Variants in CBLB observed in about 807,000 individuals in gnomAD.
The protein encoded by CBLB is E3 ubiquitin-protein ligase CBL-B.
In CBLB, 31 loss-of-function variants were observed where a neutral mutation model predicts 104.9. The ratio of observed to expected loss-of-function variants is 0.30; its 90% confidence interval spans 0.22 to 0.40. The LOEUF (loss-of-function observed/expected upper bound fraction) is 0.40, where lower values mean the gene tolerates loss of function less well. CBLB is among the 10% of genes least tolerant of loss of function. CBLB has a pLI of 1.00. For missense variants in CBLB, 1,062 were observed against 1,214.6 expected (o/e 0.87, Z 1.87); for synonymous variants, 440 against 422.6 (o/e 1.04, Z -0.51).
chr3:105,700,330 T>A (rs1331729694), intron 12 of CBLB, among the ~76,000 whole-genome samples: 1 of 152,052 alleles, frequency 6.6e-6, no homozygotes, highest in Non-Finnish European at 1.5e-5. Flanking sequence ...CTATAACAAC[T>A]ATTATATTTC....
intron 9 of CBLB, among the ~76,000 whole-genome samples, chr3:105,730,673 G>A (rs1048978403): frequency 1.3e-5 from 2 of 152,086 alleles, no homozygotes; most frequent in East Asian, 1.9e-4. Flanking sequence ...GCTTATTAAT[G>A]ATGAGCTGCT....
chr3:105,792,574 T>A (rs1202479546), intron 3 of CBLB, among the ~76,000 whole-genome samples: 1 of 152,154 alleles, frequency 6.6e-6, no homozygotes, highest in Non-Finnish European at 1.5e-5. Context: ...GACTGATAAT[T>A]CCCTCATCAC....
intron 9 of CBLB, among the ~76,000 whole-genome samples, chr3:105,726,923 G>A (rs1576647038): frequency 6.6e-6 from 1 of 152,284 alleles, no homozygotes; most frequent in Non-Finnish European, 1.5e-5. Flanking sequence ...TGGTGTATAT[G>A]TGCCACATTT....
chr3:105,713,761 G>A (rs1468915311), intron 10 of CBLB, among the ~76,000 whole-genome samples: 1 of 152,100 alleles, frequency 6.6e-6, no homozygotes, highest in African/African-American at 2.4e-5. Flanking sequence ...CTGTGCCTTC[G>A]GATTGCTTAC....
At chr3:105,717,735 A>T (rs1559938955) in intron 10 of CBLB, among the ~76,000 whole-genome samples, 1 of 152,154 alleles carries the variant, frequency 6.6e-6, no homozygotes, top group South Asian at 2.1e-4. Context: ...CAGTACATCA[A>T]TATCACCAGC....
At chr3:105,772,454 T>C (rs1373982417) in intron 4 of CBLB, among the ~76,000 whole-genome samples, 8 of 152,094 alleles carry the variant, frequency 5.3e-5, no homozygotes, top group Non-Finnish European at 1.0e-4. Flanking sequence ...TTCTAGACAT[T>C]AGCTTAGGCA....
At chr3:105,707,430 T>C (rs1365914130) in intron 10 of CBLB, among the ~76,000 whole-genome samples, 1 of 151,796 alleles carries the variant, frequency 6.6e-6, no homozygotes, top group East Asian at 1.9e-4. Context: ...CAAACCTCAT[T>C]TTCCTGAGTT....
intron 9 of CBLB, among the ~76,000 whole-genome samples, chr3:105,733,056 T>C (rs1247216046): frequency 1.3e-5 from 2 of 152,132 alleles, no homozygotes; most frequent in Admixed American, 6.5e-5. Context: ...CCCCAATCTT[T>C]GTTACAGATG....
chr3:105,849,193 C>T (rs2090646721), intron 3 of CBLB, among the ~76,000 whole-genome samples: 1 of 152,122 alleles, frequency 6.6e-6, no homozygotes, highest in South Asian at 2.1e-4. Context: ...GAAAAAGAAA[C>T]ACAGTTCGAA....
chr3:105,668,951 GA>G (rs1259371070), intron 18 of CBLB, among the ~76,000 whole-genome samples: 1 of 152,136 alleles, frequency 6.6e-6, no homozygotes, highest in Non-Finnish European at 1.5e-5. Flanking sequence ...GTTCATATAG[GA>G]AAACTTCTGA....
chr3:105,848,231 A>G (rs990757696), intron 3 of CBLB, among the ~76,000 whole-genome samples: 1 of 152,098 alleles, frequency 6.6e-6, no homozygotes, highest in African/African-American at 2.4e-5. Context: ...GATATAAAAG[A>G]TGAAGGTTTA....
chr3:105,694,990 A>C (rs2068150182), intron 12 of CBLB, among the ~76,000 whole-genome samples: 2 of 151,860 alleles, frequency 1.3e-5, no homozygotes, highest in Non-Finnish European at 3.0e-5. Context: ...CTTTTAACAG[A>C]CAAACACACA....
chr3:105,736,867 T>C (rs1195990690), intron 8 of CBLB, among the ~76,000 whole-genome samples: 1 of 152,116 alleles, frequency 6.6e-6, no homozygotes, highest in Non-Finnish European at 1.5e-5. Flanking sequence ...ATTATTCTAA[T>C]CTTTTTTTGG....
In CBLB at chr3:105,763,471, C is replaced by T. The variant is rs369596664; in HGVS notation, c.567-11853G>A. 9.2e-5 allele frequency among the ~76,000 whole-genome samples: 14 copies of T among 152,278 alleles called. No homozygotes were observed. In the South Asian group the frequency reaches 2.9e-3, roughly 32 times the overall value. On this transcript the variant is annotated intron_variant, in intron 4 of 18. Transcript: ENST00000394030. Reference sequence around the variant, plus strand: ...GGTATTTGAATCATGGGAGTGGTTTCCCACAAACTATTCTTGTGGTAGTGA... The same window carrying T: ...GGTATTTGAATCATGGGAGTGGTTTTCCACAAACTATTCTTGTGGTAGTGA...
At chr3:105,768,647 C>T (rs1008853934) in intron 4 of CBLB, among the ~76,000 whole-genome samples, 5 of 152,186 alleles carry the variant, frequency 3.3e-5, no homozygotes, top group Non-Finnish European at 7.3e-5. Context: ...TCTGTTTTCA[C>T]CAACTTTTGC....
chr3:105,745,187 C>T (rs1055452396), intron 6 of CBLB, among the ~76,000 whole-genome samples: 3 of 152,122 alleles, frequency 2.0e-5, no homozygotes, highest in Non-Finnish European at 4.4e-5. Context: ...TGCCATAGCA[C>T]AAATGCCTAC....
At chr3:105,835,924 G>A (rs1383568650) in intron 3 of CBLB, among the ~76,000 whole-genome samples, 1 of 152,170 alleles carries the variant, frequency 6.6e-6, no homozygotes, top group Admixed American at 6.5e-5. Context: ...CTTGATGCTG[G>A]AATGATGCCA....
rs397874009 is a variant in CBLB, at chr3:105,770,082, GT to G, written c.566+6313del. Reference sequence around the variant, plus strand: ...CTAAATCTTCTCAATGCTAATTTTTGTTTTTTTTTTTTTTTCAAGATGGCAG... The same window carrying G: ...CTAAATCTTCTCAATGCTAATTTTTGTTTTTTTTTTTTTTCAAGATGGCAG... On this transcript the variant is annotated intron_variant, in intron 4 of 18. Coordinates refer to ENST00000394030, the MANE Select transcript of CBLB (RefSeq NM_170662.5). 6.2e-3 allele frequency among the ~76,000 whole-genome samples: 883 copies of G among 142,656 alleles called. 22 individuals are homozygous for G. The highest frequency in any genetic ancestry group is 0.054 in the East Asian group (249 of 4,584). 93.6% of individuals were successfully genotyped at this position (142,656 alleles called of 152,430 possible). A position where few individuals can be genotyped will look rare whatever the true frequency, so the allele number is the denominator to read the frequency against.
intron 3 of CBLB, among the ~76,000 whole-genome samples, chr3:105,794,243 T>C (rs905692654): frequency 7.9e-5 from 12 of 152,192 alleles, no homozygotes; most frequent in African/African-American, 2.9e-4. Context: ...TGTTACCATG[T>C]AAAGAAAAAA....
Sources: gnomAD v4.1 joint callset for allele counts (sites outside exome capture counted in the v4.1 genomes callset) on GRCh38, gnomAD v4.1.1 for gene constraint, MANE v1.5 for transcripts, NCBI Gene and HGNC (gene_info 2026-07-23, HGNC 2026-07-21) for gene names.